Variants in MAPK10 observed in about 807,000 individuals in gnomAD.
MAPK10 encodes JNK3 alpha protein kinase.
A neutral mutation model predicts 59.3 loss-of-function variants in MAPK10; 25 were observed. The observed-to-expected ratio is 0.42, with a 90% CI of 0.31 to 0.59. The LOEUF is 0.59. MAPK10 is among the 20% of genes least tolerant of loss of function. The probability of loss-of-function intolerance (pLI) is 0.15; values close to 1 mark genes in which losing one functional copy is unlikely to be tolerated. For synonymous variants in MAPK10, 190 were observed against 200.5 expected (o/e 0.95, Z 0.44); for missense variants, 351 against 568.9 (o/e 0.62, Z 3.90).
intron 2 of MAPK10, among the ~76,000 whole-genome samples, chr4:86,323,565 C>A (rs1446794037): frequency 6.6e-6 from 1 of 152,166 alleles, no homozygotes; most frequent in Non-Finnish European, 1.5e-5. Flanking sequence ...AAATCATAAT[C>A]ACTCCTACAG....
intron 1 of MAPK10, among the ~76,000 whole-genome samples, chr4:86,476,122 C>T (rs1753071136): frequency 1.3e-5 from 2 of 152,062 alleles, no homozygotes; most frequent in Admixed American, 1.3e-4. Context: ...TGTGACTTAT[C>T]CCAGATCCTC....
chr4:86,567,037 G>T (rs1761106766), intron 1 of MAPK10, among the ~76,000 whole-genome samples: 1 of 152,146 alleles, frequency 6.6e-6, no homozygotes, highest in South Asian at 2.1e-4. Context: ...CTCCAGCCTG[G>T]GTGGCAGAAT....
intron 2 of MAPK10, among the ~76,000 whole-genome samples, chr4:86,287,183 T>C (rs2095047763): frequency 6.6e-6 from 1 of 152,184 alleles, no homozygotes; most frequent in Non-Finnish European, 1.5e-5. Flanking sequence ...TCTACGATCA[T>C]AGACCAATAA....
intron 1 of MAPK10, among the ~76,000 whole-genome samples, chr4:86,585,109 T>C (rs1465430624): frequency 6.6e-6 from 1 of 151,992 alleles, no homozygotes; most frequent in African/African-American, 2.4e-5. Flanking sequence ...GTAACTGGAG[T>C]ATATTCTTTG....
intron 1 of MAPK10, among the ~76,000 whole-genome samples, chr4:86,563,841 A>AT (rs956719303): frequency 4.6e-5 from 7 of 151,718 alleles, no homozygotes; most frequent in African/African-American, 7.3e-5. Context: ...TTAAATTATT[A>AT]TTTTTTTTGA....
chr4:86,134,209 T>A (rs935432820), intron 4 of MAPK10, among the ~76,000 whole-genome samples: 16 of 152,218 alleles, frequency 1.1e-4, no homozygotes, highest in Admixed American at 2.6e-4. Context: ...TTCAAATATT[T>A]GAAGATATCT....
At chr4:86,111,256 T>C (rs574368838) in intron 4 of MAPK10, among the ~76,000 whole-genome samples, 1 of 152,250 alleles carries the variant, frequency 6.6e-6, no homozygotes, top group South Asian at 2.1e-4. Flanking sequence ...AGAATTTCCA[T>C]TACTATGTTT....
At chr4:86,097,787 C>A (rs1344275212) in intron 9 of MAPK10, among the ~76,000 whole-genome samples, 4 of 151,954 alleles carry the variant, frequency 2.6e-5, no homozygotes, top group Admixed American at 6.6e-5. Flanking sequence ...TTTGATAATT[C>A]CAAATCATAG....
intron 1 of MAPK10, among the ~76,000 whole-genome samples, chr4:86,374,285 T>C (rs908082592): frequency 1.6e-4 from 25 of 152,046 alleles, no homozygotes; most frequent in Admixed American, 1.6e-3. Flanking sequence ...AGGGATAGCA[T>C]TGGGAGAAAT....
chr4:86,214,869 C>G (rs967098256), intron 2 of MAPK10, among the ~76,000 whole-genome samples: 11 of 152,042 alleles, frequency 7.2e-5, no homozygotes, highest in African/African-American at 2.7e-4. Flanking sequence ...TCAATGCAAT[C>G]CTTATCAGAA....
rs1171087212 is a variant in MAPK10 at position 86,056,619 on chromosome 4, A to G, written c.1110+7647T>C. On this transcript the variant is annotated intron_variant, in intron 11 of 13. Transcript: ENST00000641462. ...CACAGGATATTCATAATCAAATGAT[A>G]TTAGCTTTTACAGTAAAAATGTATT... Among the ~76,000 whole-genome samples the G allele has an allele frequency of 2.0e-5, 3 of 150,054 alleles. 1 individual carries two copies. Among genetic ancestry groups the G allele is most frequent in the Non-Finnish European group, 4.4e-5 (3 of 67,592 alleles).
intron 2 of MAPK10, chr4:86,300,863 G>T (rs1006047948): frequency 6.0e-5 from 9 of 149,426 alleles, no homozygotes; most frequent in African/African-American, 2.0e-4. Context: ...TTGACATTCT[G>T]AGGAAGAGAG....
chr4:86,292,283 T>C (rs2095248616), intron 2 of MAPK10, among the ~76,000 whole-genome samples: 1 of 152,206 alleles, frequency 6.6e-6, no homozygotes. Flanking sequence ...TAAGAAAATA[T>C]AATACTTCTC....
At chr4:86,196,989 A>G (rs977699303) in intron 2 of MAPK10, among the ~76,000 whole-genome samples, 10 of 152,200 alleles carry the variant, frequency 6.6e-5, no homozygotes, top group African/African-American at 2.4e-4. Flanking sequence ...GAAATCATGT[A>G]GCATGATGCC....
chr4:86,310,844 T>G (rs2095654564), intron 2 of MAPK10, among the ~76,000 whole-genome samples: 1 of 152,138 alleles, frequency 6.6e-6, no homozygotes, highest in Admixed American at 6.6e-5. Context: ...GTGGAATGTT[T>G]TTCATGATGG....
intron 1 of MAPK10, among the ~76,000 whole-genome samples, chr4:86,548,734 G>A (rs982540894): frequency 3.3e-5 from 5 of 152,152 alleles, no homozygotes; most frequent in Admixed American, 2.0e-4. Flanking sequence ...TGTGAGAACA[G>A]ACTAATGCAG....
Position 86,385,521 on chromosome 4 carries a change from T to C in MAPK10, c.-121-30877A>G, listed in dbSNP as rs138606237. 5.3e-3 allele frequency among the ~76,000 whole-genome samples: 814 copies of C among 152,336 alleles called. 8 individuals are homozygous for C. The highest frequency in any genetic ancestry group is 0.019 in the African/African-American group (775 of 41,590). On this transcript the variant is annotated intron_variant, in intron 1 of 13. Coordinates refer to the MAPK10 transcript ENST00000361569. ...TTCTTTTTCTTTAAAATATAAACTA[T>C]GTAATCATTGGTCCTTTATAAATTA...
At chr4:86,434,213 C>T (rs1748409492) in intron 1 of MAPK10, among the ~76,000 whole-genome samples, 1 of 152,050 alleles carries the variant, frequency 6.6e-6, no homozygotes, top group Admixed American at 6.5e-5. Flanking sequence ...AAACTAGACC[C>T]CCTATCATGC....
At chr4:86,467,980 T>C (rs1752354333) in intron 1 of MAPK10, among the ~76,000 whole-genome samples, 1 of 152,196 alleles carries the variant, frequency 6.6e-6, no homozygotes, top group Admixed American at 6.5e-5. Flanking sequence ...ATTCCCATTC[T>C]TTGCCTCATA....
Sources: allele counts gnomAD v4.1 joint callset (sites outside exome capture counted in the v4.1 genomes callset), GRCh38; gene constraint gnomAD v4.1.1; transcripts MANE v1.5; gene names NCBI Gene and HGNC (gene_info 2026-07-23, HGNC 2026-07-21).